The following DNAH14 variants were observed in gnomAD, a reference collection of about 807,000 sequenced individuals.
DNAH14 encodes the protein axonemal beta dynein heavy chain 14.
Under a neutral mutation model 520.9 loss-of-function variants are expected in DNAH14, and 478 were observed. The observed-to-expected ratio is 0.92, with a 90% confidence interval of 0.85 to 0.99. The LOEUF is 0.99. Ranked by LOEUF, DNAH14 falls within the 50% of genes least tolerant of loss-of-function variation. The pLI, the probability that DNAH14 is intolerant of heterozygous loss-of-function variation, is 0.00. For synonymous variants in DNAH14, 1,581 were observed against 1,757.2 expected (o/e 0.90, Z 2.51); for missense variants, 4,831 against 5,234.5 (o/e 0.92, Z 2.38).
chr1:225,324,461 C>T (rs2094614723), intron 63 of DNAH14, 108 bp downstream of exon 63: 1 of 1,373,780 alleles, frequency 7.3e-7, no homozygotes, highest in Non-Finnish European at 9.8e-7. Context: ...GGAAAGGATA[C>T]CTAAGGAGAA....
chr1:225,034,768 T>C (rs571663298), intron 11 of DNAH14, among the ~76,000 whole-genome samples: 35 of 152,308 alleles, frequency 2.3e-4, no homozygotes, highest in African/African-American at 8.4e-4. Flanking sequence ...ATTGGGCTGT[T>C]CAGGGAATCA....
intron 4 of DNAH14, chr1:224,961,246 G>A (rs561608741): frequency 1.3e-5 from 2 of 152,214 alleles, no homozygotes; most frequent in African/African-American, 4.8e-5. Context: ...GCAACACCTC[G>A]ATTACAGCCT....
chr1:225,353,896 A>G lies in DNAH14; in HGVS notation c.11619+8A>G. ...TTTCAAAGACTTATTTTGGTAAGAT[A>G]TCTTATGAGGAAATATTAATATTCT... On this transcript the variant is annotated splice_region_variant and intron_variant, in intron 73 of 85. Coordinates refer to ENST00000682510, the MANE Select transcript of DNAH14 (RefSeq NM_001367479.1). The G allele has an allele frequency of 7.3e-7, 1 of 1,373,800 alleles. No homozygotes were observed. The highest frequency in any genetic ancestry group is 1.0e-6 in the Non-Finnish European group (1 of 993,164). The allele number at this position is 1,373,800 out of a possible 1,614,324, so 85.1% of individuals were successfully genotyped here. A position where few individuals can be genotyped will look rare whatever the true frequency, so the allele number is the denominator to read the frequency against.
At chr1:224,976,520 C>T (rs2061856696) in intron 8 of DNAH14, among the ~76,000 whole-genome samples, 1 of 151,990 alleles carries the variant, frequency 6.6e-6, no homozygotes, top group African/African-American at 2.4e-5. Flanking sequence ...TTCTGCACAG[C>T]AAAAGAAACT....
chr1:225,344,904 G>A (rs940577292), intron 69 of DNAH14, among the ~76,000 whole-genome samples: 1 of 152,012 alleles, frequency 6.6e-6, no homozygotes, highest in Non-Finnish European at 1.5e-5. Context: ...TAGTAAAGAA[G>A]GGTTTTCACC....
chr1:225,176,134 T>G (rs2083308576), intron 36 of DNAH14, among the ~76,000 whole-genome samples: 1 of 152,194 alleles, frequency 6.6e-6, no homozygotes, highest in Non-Finnish European at 1.5e-5. Context: ...CCTATTGGTT[T>G]AGGTATGTGG....
At chr1:224,951,337 T>G (rs935495550) in intron 1 of DNAH14, among the ~76,000 whole-genome samples, 1 of 151,954 alleles carries the variant, frequency 6.6e-6, no homozygotes, top group Non-Finnish European at 1.5e-5. Flanking sequence ...TGTTGGCTCT[T>G]TTTCAAAAAA....
intron 42 of DNAH14, 79 bp from the exon 43 acceptor site, chr1:225,240,514 T>C: frequency 1.2e-6 from 1 of 845,998 alleles, no homozygotes; most frequent in South Asian, 2.1e-5. Context: ...AACTTTAACA[T>C]TATATTAAAG....
chr1:225,020,844 G>T (rs2148007824), intron 10 of DNAH14, among the ~76,000 whole-genome samples: 1 of 152,172 alleles, frequency 6.6e-6, no homozygotes, highest in East Asian at 1.9e-4. Context: ...CCAAAACCTG[G>T]CAGAGACACA....
chr1:225,281,229 C>A (rs2093621063), intron 54 of DNAH14, among the ~76,000 whole-genome samples: 1 of 152,094 alleles, frequency 6.6e-6, no homozygotes, highest in Non-Finnish European at 1.5e-5. Flanking sequence ...AGAATCTGTT[C>A]CTTTTCTTTT....
At chr1:225,212,729 G>A (rs920960700) in intron 41 of DNAH14, among the ~76,000 whole-genome samples, 10 of 152,008 alleles carry the variant, frequency 6.6e-5, no homozygotes, top group Non-Finnish European at 1.0e-4. Flanking sequence ...TGTTCATATC[G>A]TTTGCCCACT....
intron 41 of DNAH14, 67 bp downstream of exon 41, chr1:225,207,287 C>G (rs1027111037): frequency 5.8e-6 from 8 of 1,375,286 alleles, no homozygotes; most frequent in Middle Eastern, 2.2e-4. Context: ...TCATCACCGT[C>G]TATTAGATTT....
Position 224,955,055 on chromosome 1 carries a change from A to G in DNAH14, c.174A>G (p.Thr58=), listed in dbSNP as rs1356634864. The G allele has an allele frequency of 1.9e-6, 3 of 1,611,610 alleles. No individual in the cohort carries two copies. The highest frequency in any genetic ancestry group is 2.7e-5 in the African/African-American group (2 of 74,880). The change falls in exon 3 of 86, where the codon ACA becomes ACG. Residue 58 remains threonine, a synonymous_variant. Transcript: ENST00000682510. ...IAEKETLEYK[T]VRTFSESLKS... The stretch of plus-strand genomic sequence containing the variant: ...AAAAGGAAACATTGGAATATAAAAC[A>G]GTTAGAACATTCTCTGAATCTTTGA...
chr1:225,379,859 C>T (rs2095757508), intron 79 of DNAH14, among the ~76,000 whole-genome samples: 1 of 152,072 alleles, frequency 6.6e-6, no homozygotes, highest in South Asian at 2.1e-4. Context: ...AATAATTGTA[C>T]ATATTTCTGA....
rs1031137080 is a variant in DNAH14 at position 225,117,806 on chromosome 1, T to G, written c.3972+18T>G. The G allele has an allele frequency of 3.9e-6, 6 of 1,532,388 alleles. No individual in the cohort carries two copies. In the Admixed American group the frequency reaches 9.9e-5, roughly 25 times the overall value. 94.9% of individuals were successfully genotyped at this position (1,532,388 alleles called of 1,614,324 possible). A position where few individuals can be genotyped will look rare whatever the true frequency, so the allele number is the denominator to read the frequency against. The stretch of plus-strand genomic sequence containing the variant: ...CTGTACAGGTAATAACATCTTTCTC[T>G]GCTCAGCAATATTATATTAGCGATA... On this transcript the variant is annotated intron_variant, in intron 24 of 85. Coordinates refer to ENST00000682510, the MANE Select transcript of DNAH14 (RefSeq NM_001367479.1).
At chr1:225,147,493 T>A (rs2080059362) in intron 31 of DNAH14, among the ~76,000 whole-genome samples, 1 of 152,196 alleles carries the variant, frequency 6.6e-6, no homozygotes, top group South Asian at 2.1e-4. Flanking sequence ...TTGCCCAAGC[T>A]TTGGAACAGT....
chr1:224,991,091 T>C, intron 8 of DNAH14, among the ~76,000 whole-genome samples: 1 of 101,872 alleles, frequency 9.8e-6, no homozygotes, highest in East Asian at 2.3e-4. Context: ...GAGCTTTTTT[T>C]TTTTTTTTTT....
intron 69 of DNAH14, 50 bp downstream of exon 69, chr1:225,340,751 TAA>T: frequency 6.7e-7 from 1 of 1,485,768 alleles, no homozygotes; most frequent in South Asian, 1.4e-5. Context: ...AAGGATAGAA[TAA>T]AAAGTTATAA....
intron 8 of DNAH14, among the ~76,000 whole-genome samples, chr1:224,999,342 G>T (rs1278088373): frequency 1.3e-5 from 2 of 152,060 alleles, no homozygotes; most frequent in African/African-American, 4.8e-5. Context: ...AAGTAGCTGG[G>T]ATTACAGGCG....
Sources: allele counts gnomAD v4.1 joint callset (sites outside exome capture counted in the v4.1 genomes callset), GRCh38; gene constraint gnomAD v4.1.1; transcripts MANE v1.5; gene names NCBI Gene and HGNC (gene_info 2026-07-23, HGNC 2026-07-21).